UPP2: variants seen among roughly 807,000 people sequenced by gnomAD.
UPP2 encodes the protein UPase 2.
A neutral mutation model predicts 26.7 loss-of-function variants in UPP2; 23 were observed. The ratio of observed to expected loss-of-function variants is 0.86; its 90% CI spans 0.62 to 1.22. The LOEUF (loss-of-function observed/expected upper bound fraction) is 1.22, where lower values mean the gene tolerates loss of function less well. Ranked by LOEUF, UPP2 falls within the 50% of genes most tolerant of loss-of-function variation. UPP2 has a pLI of 0.00. For synonymous variants in UPP2, 127 were observed against 141.3 expected (o/e 0.90, Z 0.72); for missense variants, 387 against 396.7 (o/e 0.98, Z 0.21).
chr2:158,017,106 TA>T (rs935467951), intron 3 of UPP2, among the ~76,000 whole-genome samples: 5 of 152,252 alleles, frequency 3.3e-5, no homozygotes, highest in African/African-American at 9.6e-5. Flanking sequence ...TTGAGGTATT[TA>T]AAAAAACATA....
intron 3 of UPP2, among the ~76,000 whole-genome samples, chr2:158,020,433 C>T (rs896663243): frequency 6.6e-6 from 1 of 152,230 alleles, no homozygotes; most frequent in African/African-American, 2.4e-5. Context: ...CATTTCCCCT[C>T]AAGTCCAGAG....
intron 2 of UPP2, among the ~76,000 whole-genome samples, chr2:158,008,050 G>T (rs1466745224): frequency 6.6e-6 from 1 of 152,186 alleles, no homozygotes; most frequent in Non-Finnish European, 1.5e-5. Context: ...GGATTGAAAA[G>T]AATGTAAATT....
At position 158,040,675 on chromosome 2, in the gene UPP2, C is replaced by T. The variant is rs111889102; in HGVS notation, c.147+24789C>T. On this transcript the variant is annotated intron_variant, in intron 3 of 9. Coordinates refer to the UPP2 transcript ENST00000605860. ...TTTAATCTAATAGTGATTACCCCTC[C>T]CTTCCTCTCAATGGAGGTTGCAACA... Among the ~76,000 whole-genome samples, 18 of 152,282 alleles carry T rather than the reference C, an allele frequency of 1.2e-4. 1 individual carries two copies. Among genetic ancestry groups the T allele is most frequent in the African/African-American group, 4.1e-4 (17 of 41,548 alleles).
intron 3 of UPP2, among the ~76,000 whole-genome samples, chr2:158,028,558 C>T (rs1683872111): frequency 1.3e-5 from 2 of 152,160 alleles, no homozygotes; most frequent in Non-Finnish European, 2.9e-5. Flanking sequence ...TCTGAGCCCC[C>T]CAATCTGTTC....
chr2:158,117,037 C>T (rs983945124), intron 3 of UPP2, among the ~76,000 whole-genome samples: 6 of 152,124 alleles, frequency 3.9e-5, no homozygotes, highest in African/African-American at 1.4e-4. Flanking sequence ...CATTGAAGAG[C>T]ACATTTGACT....
chr2:158,006,112 C>T (rs542100276), intron 2 of UPP2, among the ~76,000 whole-genome samples: 4 of 152,158 alleles, frequency 2.6e-5, no homozygotes, highest in African/African-American at 7.2e-5. Context: ...CCTACAAACA[C>T]CATTTTATGG....
intron 3 of UPP2, among the ~76,000 whole-genome samples, chr2:158,076,336 C>T (rs533333461): frequency 7.6e-4 from 116 of 151,998 alleles, no homozygotes; most frequent in African/African-American, 2.7e-3. Context: ...CCACTATTAC[C>T]CTCATACCAG....
chr2:158,123,249 A>C (rs1043687815), intron 5 of UPP2, among the ~76,000 whole-genome samples: 2 of 152,190 alleles, frequency 1.3e-5, no homozygotes, highest in African/African-American at 4.8e-5. Context: ...CAGCCTGAGA[A>C]GTGTGCGGAA....
At chr2:158,072,534 G>C (rs80110376) in intron 3 of UPP2, among the ~76,000 whole-genome samples, 17,520 of 151,808 alleles carry the variant, frequency 0.12, 1,143 homozygotes, top group Admixed American at 0.2. Flanking sequence ...ATACCCAGTG[G>C]TGTGCTGGCT....
chr2:158,118,827 G>A (rs527816372), intron 4 of UPP2, among the ~76,000 whole-genome samples: 1 of 152,128 alleles, frequency 6.6e-6, no homozygotes, highest in South Asian at 2.1e-4. Context: ...GAGAAGTGGT[G>A]TGTTCAACAT....
At chr2:158,013,977 G>T (rs1308536282) in intron 2 of UPP2, among the ~76,000 whole-genome samples, 1 of 152,198 alleles carries the variant, frequency 6.6e-6, no homozygotes, top group Non-Finnish European at 1.5e-5. Flanking sequence ...CACAGCTGTG[G>T]CAGAAGCCTG....
At chr2:158,090,449 C>A (rs965561486) in intron 3 of UPP2, among the ~76,000 whole-genome samples, 10 of 151,942 alleles carry the variant, frequency 6.6e-5, no homozygotes, top group African/African-American at 1.9e-4. Context: ...TGCAGTGAGC[C>A]GAGATGGTGC....
chr2:158,022,911 A>G (rs1683774824), intron 3 of UPP2, among the ~76,000 whole-genome samples: 1 of 152,214 alleles, frequency 6.6e-6, no homozygotes, highest in Non-Finnish European at 1.5e-5. Context: ...GCAGATGATT[A>G]TAATGTCACA....
At chr2:158,091,464 G>C (rs1558927575) in intron 3 of UPP2, among the ~76,000 whole-genome samples, 1 of 152,140 alleles carries the variant, frequency 6.6e-6, no homozygotes. Context: ...TTAAATATAG[G>C]TTAATTTGAA....
At chr2:157,997,299 C>T (rs577202092) in intron 2 of UPP2, among the ~76,000 whole-genome samples, 1 of 151,940 alleles carries the variant, frequency 6.6e-6, no homozygotes, top group South Asian at 2.1e-4. Context: ...ATTTTGGGAA[C>T]CTTTGCTCAT....
chr2:158,089,501 G>A (rs551538375), intron 3 of UPP2, among the ~76,000 whole-genome samples: 22 of 152,254 alleles, frequency 1.4e-4, no homozygotes, highest in African/African-American at 4.3e-4. Flanking sequence ...AACCACCCCC[G>A]ACCCCAACTT....
At chr2:158,016,688 T>C (rs1284786414) in intron 3 of UPP2, among the ~76,000 whole-genome samples, 2 of 152,144 alleles carry the variant, frequency 1.3e-5, no homozygotes, top group Admixed American at 1.3e-4. Flanking sequence ...CCTCTGGAAT[T>C]TGAACTTGAG....
chr2:158,035,836 AG>A (rs1683992376), intron 3 of UPP2, among the ~76,000 whole-genome samples: 1 of 152,240 alleles, frequency 6.6e-6, no homozygotes, highest in Non-Finnish European at 1.5e-5. Flanking sequence ...CAAATACACA[AG>A]GGTTGAAACC....
chr2:158,131,835 A>C (rs1683825468), intron 6 of UPP2, among the ~76,000 whole-genome samples: 1 of 152,248 alleles, frequency 6.6e-6, no homozygotes, highest in Non-Finnish European at 1.5e-5. Flanking sequence ...TTTAAGTGAC[A>C]AGATTATTAT....
Sources: allele counts gnomAD v4.1 joint callset (sites outside exome capture counted in the v4.1 genomes callset), GRCh38; gene constraint gnomAD v4.1.1; transcripts MANE v1.5; gene names NCBI Gene and HGNC (gene_info 2026-07-23, HGNC 2026-07-21).